The following EEF2KMT variants were observed in gnomAD, a reference collection of about 807,000 sequenced individuals.
EEF2KMT encodes protein-lysine N-methyltransferase EEF2KMT.
Under a neutral mutation model 35.1 loss-of-function variants are expected in EEF2KMT, and 30 were observed. That is an observed-to-expected ratio of 0.85 (90% CI 0.64 to 1.16). The LOEUF is 1.16. Ranked by LOEUF, EEF2KMT falls within the 50% of genes most tolerant of loss-of-function variation. The pLI is 0.00. For synonymous variants in EEF2KMT, 190 were observed against 187.7 expected (o/e 1.01, Z -0.10); for missense variants, 499 against 438.2 (o/e 1.14, Z -1.24).
At chr16:5,095,264 A>T in intron 2 of EEF2KMT, 188 bp downstream of exon 2, 2 of 749,558 alleles carry the variant, frequency 2.7e-6, no homozygotes, top group South Asian at 1.8e-5. Flanking sequence ...TCTAAGTCTT[A>T]AATAGAAAAC....
intron 3 of EEF2KMT, 37 bp from the exon 4 acceptor site, chr16:5,091,932 T>G (rs1424272699): frequency 1.2e-6 from 2 of 1,610,230 alleles, no homozygotes; most frequent in Non-Finnish European, 1.7e-6. Flanking sequence ...TTTGCTTTCG[T>G]TCTAATCTGT....
At chr16:5,095,585 T>C (rs1249815646) in intron 1 of EEF2KMT, 71 bp from the exon 2 acceptor site, 14 of 1,605,006 alleles carry the variant, frequency 8.7e-6, no homozygotes, top group Non-Finnish European at 6.0e-6. Flanking sequence ...ATAGAATGTG[T>C]TGGCAAAGCG....
chr16:5,090,286 G>T lies in EEF2KMT; in HGVS notation c.540C>A (p.Arg180=), dbSNP rs142352421. ...AGTCGCTGAAGATGTATGCCCGGGG[G>T]CGGCACATCTTGCAGATGGCCAGGC... The part of the protein sequence containing the change: ...LTGLAICKMC[R]PRAYIFSDCH... Residue 180 remains arginine, a synonymous_variant, in exon 6 of 8, where the codon CGC becomes CGA. Transcript: ENST00000427587. This position sits in a 1 kb window ranked among gnomAD's most constrained non-coding sequence, Gnocchi z 4.1. 815 of 1,612,068 alleles carry T rather than the reference G, an allele frequency of 5.1e-4. 3 individuals are homozygous for T. In the African/African-American group the frequency reaches 9.8e-3, roughly 19 times the overall value.
chr16:5,093,082 CT>C (rs1489230804), intron 3 of EEF2KMT, among the ~76,000 whole-genome samples: 3 of 152,226 alleles, frequency 2.0e-5, no homozygotes, highest in Admixed American at 2.0e-4. Flanking sequence ...ATGGCAAGAG[CT>C]AAATCTTCCA....
chr16:5,097,607 G>T (rs867786828), intron 1 of EEF2KMT, 37 bp downstream of exon 1: 14 of 1,532,106 alleles, frequency 9.1e-6, no homozygotes, highest in African/African-American at 5.5e-5. Context: ...GGACTCCCGC[G>T]AGCCCCGCGG....
At chr16:5,097,472 G>T (rs192972540) in intron 1 of EEF2KMT, 172 bp downstream of exon 1, 82 of 1,412,990 alleles carry the variant, frequency 5.8e-5, no homozygotes, top group Non-Finnish European at 7.4e-5. Flanking sequence ...GGAGGGGTGC[G>T]AGCGACTCTG....
At chr16:5,091,383 G>C (rs1357472126) in intron 4 of EEF2KMT, among the ~76,000 whole-genome samples, 2 of 151,522 alleles carry the variant, frequency 1.3e-5, no homozygotes, top group Non-Finnish European at 2.9e-5. Flanking sequence ...CGCCCGGCCT[G>C]ATTTTTGTAT....
chr16:5,087,934 TTTA>T (rs374514238), intron 7 of EEF2KMT, among the ~76,000 whole-genome samples: 62,788 of 110,304 alleles, frequency 0.57, 12,790 homozygotes, highest in South Asian at 0.67. Context: ...TTTTTTTTTT[TTTA>T]TTTTTTATTT....
At chr16:5,095,581 TG>T (rs1218296533) in intron 1 of EEF2KMT, 67 bp from the exon 2 acceptor site, 1 of 1,606,138 alleles carries the variant, frequency 6.2e-7, no homozygotes, top group Non-Finnish European at 8.5e-7. Context: ...CGCAATAGAA[TG>T]TGTTGGCAAA....
rs112165992 is a variant in EEF2KMT at position 5,090,770 on chromosome 16, C to T, written c.343-205G>A. Among the ~76,000 whole-genome samples, 1,023 of 152,222 alleles carry T rather than the reference C, an allele frequency of 6.7e-3. 19 individuals are homozygous for T. Among genetic ancestry groups the T allele is most frequent in the African/African-American group, 0.023 (942 of 41,520 alleles). ...TGTGAAAGACACTCATCTCAGGCCA[C>T]ACAGGATTCCATTCATCGAACCTTC... On this transcript the variant is annotated intron_variant, in intron 4 of 7. Coordinates refer to ENST00000427587, the MANE Select transcript of EEF2KMT (RefSeq NM_201400.4). The surrounding 1 kb of genome is among the most constrained non-coding windows in gnomAD (Gnocchi z 4.1).
rs1469352199 is a variant in EEF2KMT at position 5,091,913 on chromosome 16, G to C, written c.241-18C>G. On this transcript the variant is annotated intron_variant, in intron 3 of 7. Coordinates refer to ENST00000427587, the MANE Select transcript of EEF2KMT (RefSeq NM_201400.4). ...GCCTCGTGCTGGGGGCAGACAGAGTGAGAGCTTGTTTGCTTTCGTTCTAAT... is the reference window on the plus strand; with the variant it reads ...GCCTCGTGCTGGGGGCAGACAGAGTCAGAGCTTGTTTGCTTTCGTTCTAAT... 1 of 1,611,446 alleles carries C rather than the reference G, an allele frequency of 6.2e-7. No homozygotes were observed. Among genetic ancestry groups the C allele is most frequent in the Non-Finnish European group, 8.5e-7 (1 of 1,179,616 alleles).
intron 7 of EEF2KMT, among the ~76,000 whole-genome samples, chr16:5,088,431 C>G (rs1439456964): frequency 6.6e-6 from 1 of 152,146 alleles, no homozygotes; most frequent in South Asian, 2.1e-4. Context: ...AGGGGCTGTG[C>G]TCAGGGGGAG....
At position 5,085,475 on chromosome 16, in the gene EEF2KMT, G is replaced by A. The variant is rs908298276; in HGVS notation, c.*157C>T. Reference sequence around the variant, plus strand: ...GGGGCACCCACACGCTTAGATAGCCGATGTCTTATTAGAGGGCAGTTTGTG... The same window carrying A: ...GGGGCACCCACACGCTTAGATAGCCAATGTCTTATTAGAGGGCAGTTTGTG... On this transcript the variant is annotated 3_prime_UTR_variant, in exon 8 of 8. Transcript: ENST00000427587. 79 of 675,748 alleles carry A rather than the reference G, an allele frequency of 1.2e-4. No individual in the cohort carries two copies. The highest frequency in any genetic ancestry group is 3.7e-4 in the African/African-American group (21 of 56,674). The allele number at this position is 675,748 out of a possible 1,614,324, so 41.9% of individuals were successfully genotyped here. A position where few individuals can be genotyped will look rare whatever the true frequency, so the allele number is the denominator to read the frequency against.
intron 1 of EEF2KMT, among the ~76,000 whole-genome samples, chr16:5,096,767 G>T (rs1957477159): frequency 6.6e-6 from 1 of 152,190 alleles, no homozygotes; most frequent in East Asian, 1.9e-4. Context: ...GGTGTTGAGG[G>T]TGAGCCCAAG....
intron 1 of EEF2KMT, among the ~76,000 whole-genome samples, chr16:5,097,012 GCT>G: frequency 6.6e-6 from 1 of 152,338 alleles, no homozygotes; most frequent in African/African-American, 2.4e-5. Flanking sequence ...ATCCCAGTGA[GCT>G]CACCGCACAT....
At position 5,089,160 on chromosome 16, in the gene EEF2KMT, A is replaced by G; in HGVS notation, c.839T>C (p.Val280Ala). 6.2e-7 allele frequency: 1 copy of G among 1,612,424 alleles called. No homozygotes were observed. ...CTCTGGGTTGCGGACGGTAAAGGCC[A>G]CGTAGACCTCAGGAGCCCGCTGGTG... is the stretch of plus-strand genomic sequence containing the variant. Reference protein sequence around the residue: ...REHQRAPEVYVAFTVRNPETC... With the variant: ...REHQRAPEVYAAFTVRNPETC... Residue 280 changes from valine (V) to alanine (A), a missense_variant, in exon 7 of 8, where the codon GTG becomes GCG. Physicochemically the swap from Val to Ala is moderately conservative, Grantham distance 64. Coordinates refer to ENST00000427587, the MANE Select transcript of EEF2KMT (RefSeq NM_201400.4).
At chr16:5,088,466 G>C (rs1363484267) in intron 7 of EEF2KMT, among the ~76,000 whole-genome samples, 2 of 152,178 alleles carry the variant, frequency 1.3e-5, no homozygotes, top group African/African-American at 4.8e-5. Context: ...GGTGGCACTG[G>C]GGGGCTTGGG....
At chr16:5,086,882 G>A (rs1474954907) in intron 7 of EEF2KMT, 4 of 152,148 alleles carry the variant, frequency 2.6e-5, no homozygotes, top group Non-Finnish European at 5.9e-5. Context: ...GGCCAGGCTG[G>A]TCTTGAACTC....
intron 7 of EEF2KMT, among the ~76,000 whole-genome samples, chr16:5,086,238 G>A (rs1957160143): frequency 6.6e-6 from 1 of 151,686 alleles, no homozygotes; most frequent in African/African-American, 2.4e-5. Context: ...GGGAGGCTGA[G>A]GTGGGAGAAT....
Sources: gnomAD v4.1 joint callset for allele counts (sites outside exome capture counted in the v4.1 genomes callset) on GRCh38, gnomAD v4.1.1 for gene constraint, Gnocchi (gnomAD v3.1) non-coding constraint, MANE v1.5 for transcripts, NCBI Gene and HGNC (gene_info 2026-07-23, HGNC 2026-07-21) for gene names.